Variants in XPNPEP3 observed in about 807,000 individuals in gnomAD.
The protein encoded by XPNPEP3 is X-prolyl aminopeptidase 3.
In XPNPEP3, 41 loss-of-function variants were observed where a neutral mutation model predicts 60.0. The ratio of observed to expected loss-of-function variants is 0.68; its 90% CI spans 0.53 to 0.89. The LOEUF (loss-of-function observed/expected upper bound fraction) is 0.89, where lower values mean the gene tolerates loss of function less well. XPNPEP3 is among the 40% of genes least tolerant of loss of function. The pLI is 0.00. For missense variants in XPNPEP3, 598 were observed against 638.9 expected, an observed-to-expected ratio of 0.94 and a Z score of 0.69; for synonymous variants, 212 against 223.2, an observed-to-expected ratio of 0.95 and a Z score of 0.45.
chr22:40,903,874 TCACA>T (rs10560459), intron 4 of XPNPEP3, among the ~76,000 whole-genome samples: 57,873 of 145,674 alleles, frequency 0.4, 13,107 homozygotes, highest in East Asian at 0.68. Flanking sequence ...TCTCTCTCTG[TCACA>T]CACACACACA....
chr22:40,861,350 A>G (rs1185951571), intron 1 of XPNPEP3: 3 of 1,614,032 alleles, frequency 1.9e-6, no homozygotes, highest in African/African-American at 2.7e-5. Flanking sequence ...ACTCTCCATT[A>G]TCTTCAGCTT....
chr22:40,906,420 C>CAAA (rs11440795), intron 4 of XPNPEP3, among the ~76,000 whole-genome samples: 128 of 105,030 alleles, frequency 1.2e-3, no homozygotes, highest in African/African-American at 4.1e-3. Flanking sequence ...GACTCTGTCT[C>CAAA]AAAAAAAAAA....
At chr22:40,880,357 G>T (rs1401976559) in intron 2 of XPNPEP3, among the ~76,000 whole-genome samples, 1 of 151,806 alleles carries the variant, frequency 6.6e-6, no homozygotes, top group Non-Finnish European at 1.5e-5. Context: ...AGCATTCCAT[G>T]ACATATTGTT....
At chr22:40,917,711 C>G (rs1382249990) in intron 7 of XPNPEP3, 1 of 151,974 alleles carries the variant, frequency 6.6e-6, no homozygotes. Flanking sequence ...GGCAACATGG[C>G]AAAACCCAAT....
chr22:40,873,174 G>A (rs902742049), intron 2 of XPNPEP3, among the ~76,000 whole-genome samples: 5 of 139,464 alleles, frequency 3.6e-5, no homozygotes, highest in East Asian at 4.4e-4. Flanking sequence ...GGCGTGATCC[G>A]GCTCACTGCA....
chr22:40,880,421 C>T (rs531763591), intron 2 of XPNPEP3, among the ~76,000 whole-genome samples: 5 of 150,786 alleles, frequency 3.3e-5, no homozygotes, highest in Non-Finnish European at 7.4e-5. Context: ...TTTTGTAAAA[C>T]AGTAGTGATC....
rs1265424110 is a variant in XPNPEP3, at chr22:40,886,457, T to C, written c.734T>C (p.Leu245Pro). ...GVQQLIQRLRLIKSPAEIERM... is the reference protein window; with the variant it reads ...GVQQLIQRLRPIKSPAEIERM... Reference sequence around the variant, plus strand: ...CAGCAGCTGATACAGCGCCTCCGGCTGATCAAGTCTCCTGCAGAAATTGAA... The same window carrying C: ...CAGCAGCTGATACAGCGCCTCCGGCCGATCAAGTCTCCTGCAGAAATTGAA... Residue 245 changes from leucine (L) to proline (P), a missense_variant, in exon 4 of 10, where the codon CTG (leucine) becomes CCG (proline). Transcript: ENST00000357137. 6.2e-7 allele frequency: 1 copy of C among 1,614,058 alleles called. No individual in the cohort carries two copies. The highest frequency in any genetic ancestry group is 8.5e-7 in the Non-Finnish European group (1 of 1,180,038).
chr22:40,859,003 A>G (rs1188983087), intron 1 of XPNPEP3, among the ~76,000 whole-genome samples: 1 of 152,076 alleles, frequency 6.6e-6, no homozygotes, highest in East Asian at 1.9e-4. Context: ...TTGAACTCTC[A>G]CCTCAGCTTC....
intron 4 of XPNPEP3, among the ~76,000 whole-genome samples, chr22:40,889,013 T>TG (rs1401196075): frequency 6.6e-6 from 1 of 152,116 alleles, no homozygotes; most frequent in East Asian, 1.9e-4. Context: ...TAATGGTTTT[T>TG]TTTTTGTTTT....
In XPNPEP3 at chr22:40,869,238, A is replaced by G. The variant is rs2057993878; in HGVS notation, c.181+123A>G. ...TCCATAAGGTAGCCACTAACCTCAC[A>G]TGGCCATTTTACACTAATAAGGTTG... On this transcript the variant is annotated intron_variant, in intron 2 of 9. Transcript: ENST00000357137. The G allele has an allele frequency of 1.1e-5, 9 of 809,942 alleles. 1 individual carries two copies. The highest frequency in any genetic ancestry group is 4.4e-5 in the South Asian group (3 of 68,610). 50.2% of individuals were successfully genotyped at this position (809,942 alleles called of 1,614,324 possible).
rs149609214 is a variant in XPNPEP3, at chr22:40,909,120, A to G, written c.856-2A>G. On this transcript the variant is annotated splice_acceptor_variant, in intron 5 of 9. Transcript: ENST00000357137. LOFTEE classifies it high-confidence loss of function. ...GTCATACCTTGCTGTTGTTTTTCAC[A>G]GTTTGAATTTGAATGCCGGGCTCGT... 6.2e-5 allele frequency: 100 copies of G among 1,613,948 alleles called. No individual in the cohort carries two copies. Among genetic ancestry groups the G allele is most frequent in the Non-Finnish European group, 8.2e-5 (97 of 1,179,940 alleles).
At position 40,922,476 on chromosome 22, in the gene XPNPEP3, G is replaced by A; in HGVS notation, c.1199G>A (p.Gly400Glu). Residue 400 changes from glycine to glutamate, a missense_variant, in exon 8 of 10, where the codon GGG (glycine) becomes GAG (glutamate). Physicochemically the swap from Gly to Glu is moderately conservative, Grantham distance 98. Transcript: ENST00000357137. ...ATAGGACAGAAGCTTAAAGACTTGG[G>A]GATCATGAAGAACATTAAGGAAAAT... Reference protein sequence around the residue: ...TLIGQKLKDLGIMKNIKENNA... With the variant: ...TLIGQKLKDLEIMKNIKENNA... The A allele has an allele frequency of 6.2e-7, 1 of 1,613,932 alleles. No individual in the cohort carries two copies. The highest frequency in any genetic ancestry group is 8.5e-7 in the Non-Finnish European group (1 of 1,179,966).
At chr22:40,894,383 A>T (rs1569024173) in intron 4 of XPNPEP3, among the ~76,000 whole-genome samples, 2 of 152,132 alleles carry the variant, frequency 1.3e-5, no homozygotes, top group South Asian at 2.1e-4. Flanking sequence ...CATTTTTTAA[A>T]TTTTTTTATT....
chr22:40,861,318 CTA>C (rs757883731), intron 1 of XPNPEP3: 4 of 1,614,022 alleles, frequency 2.5e-6, no homozygotes, highest in Non-Finnish European at 3.4e-6. Context: ...ATTGGCCACA[CTA>C]TTTACAAGAA....
At chr22:40,925,801 A>G (rs1816376321) in intron 9 of XPNPEP3, among the ~76,000 whole-genome samples, 2 of 152,174 alleles carry the variant, frequency 1.3e-5, no homozygotes, top group Admixed American at 6.5e-5. Context: ...AAGGCTAATA[A>G]TCTCTAAATG....
chr22:40,925,145 T>C lies in XPNPEP3; in HGVS notation c.1357+663T>C, dbSNP rs539937361. On this transcript the variant is annotated intron_variant, in intron 9 of 9. Transcript: ENST00000357137. ...CAGGCAGACACACTATGCTCTCAGT[T>C]TCAACACCTCTGCAAGCTGCATTGA... 3.9e-5 allele frequency among the ~76,000 whole-genome samples: 6 copies of C among 152,284 alleles called. No individual in the cohort carries two copies. In the South Asian group the frequency reaches 1.2e-3, roughly 32 times the overall value.
chr22:40,916,390 A>C (rs1022406084), intron 7 of XPNPEP3, among the ~76,000 whole-genome samples: 4 of 152,226 alleles, frequency 2.6e-5, no homozygotes, highest in Non-Finnish European at 5.9e-5. Context: ...GAAGATGTAG[A>C]CATAATGAGC....
At chr22:40,857,551 C>T (rs895936068) in intron 1 of XPNPEP3, among the ~76,000 whole-genome samples, 1 of 152,258 alleles carries the variant, frequency 6.6e-6, no homozygotes. Flanking sequence ...ACTTAAGTGA[C>T]AAAGTGTCTC....
At chr22:40,877,631 C>T (rs1463141138) in intron 2 of XPNPEP3, among the ~76,000 whole-genome samples, 2 of 152,174 alleles carry the variant, frequency 1.3e-5, no homozygotes, top group Admixed American at 6.5e-5. Context: ...TCTAGGCTTT[C>T]GATTGGCTCA....
Sources: allele counts gnomAD v4.1 joint callset (sites outside exome capture counted in the v4.1 genomes callset), GRCh38; gene constraint gnomAD v4.1.1; transcripts MANE v1.5; gene names NCBI Gene and HGNC (gene_info 2026-07-23, HGNC 2026-07-21).